The following STOML3 variants were observed in gnomAD, a reference collection of about 807,000 sequenced individuals.
The protein encoded by STOML3 is stomatin like 3.
A neutral mutation model predicts 29.5 loss-of-function variants in STOML3; 31 were observed. That is an observed-to-expected ratio of 1.05 (90% confidence interval 0.79 to 1.42). The LOEUF (loss-of-function observed/expected upper bound fraction) is 1.42. Ranked by LOEUF, STOML3 falls within the 40% of genes most tolerant of loss-of-function variation. The probability of loss-of-function intolerance (pLI) is 0.00; values close to 1 mark genes in which losing one functional copy is unlikely to be tolerated. For synonymous variants in STOML3, 122 were observed against 139.8 expected, an observed-to-expected ratio of 0.87 and a Z score of 0.90; for missense variants, 380 against 363.0, an observed-to-expected ratio of 1.05 and a Z score of -0.38.
intron 1 of STOML3, among the ~76,000 whole-genome samples, chr13:38,988,236 T>A (rs189097061): frequency 5.5e-5 from 5 of 90,190 alleles, no homozygotes; most frequent in African/African-American, 1.1e-4. Flanking sequence ...ATCATATATT[T>A]TATATATAAT....
At chr13:38,979,549 G>C (rs1881203517) in intron 1 of STOML3, among the ~76,000 whole-genome samples, 1 of 152,066 alleles carries the variant, frequency 6.6e-6, no homozygotes, top group African/African-American at 2.4e-5. Flanking sequence ...GCATTACACT[G>C]TACCCACCTT....
chr13:38,974,924 T>G (rs1279533477), intron 3 of STOML3, among the ~76,000 whole-genome samples: 1 of 152,212 alleles, frequency 6.6e-6, no homozygotes, highest in Admixed American at 6.5e-5. Context: ...AATCCTGGGC[T>G]GTTATACCTC....
chr13:38,971,720 C>T (rs900549908), intron 4 of STOML3, among the ~76,000 whole-genome samples: 10 of 151,986 alleles, frequency 6.6e-5, no homozygotes, highest in African/African-American at 2.2e-4. Context: ...GTCAGGAGTT[C>T]GAGAGACCAG....
chr13:38,972,494 A>C lies in STOML3; in HGVS notation c.312+18T>G, dbSNP rs747718647. 2.2e-5 allele frequency: 35 copies of C among 1,607,380 alleles called. No homozygotes were observed. The highest frequency in any genetic ancestry group is 3.0e-5 in the Non-Finnish European group (35 of 1,175,800). ...ATACAAGTTTAATTTCGAGTGACAT[A>C]TCCTTAATCAGTACTACCTCTTGTG... On this transcript the variant is annotated intron_variant, in intron 4 of 6. Transcript: ENST00000379631.
chr13:38,976,190 G>A (rs1442241997), intron 3 of STOML3, among the ~76,000 whole-genome samples: 1 of 152,146 alleles, frequency 6.6e-6, no homozygotes, highest in African/African-American at 2.4e-5. Context: ...TTAATAGTGT[G>A]CGTTGGCCAT....
At chr13:38,974,015 G>A (rs888709493) in intron 3 of STOML3, among the ~76,000 whole-genome samples, 1 of 152,102 alleles carries the variant, frequency 6.6e-6, no homozygotes, top group African/African-American at 2.4e-5. Flanking sequence ...TCTAATTCAT[G>A]TACAATAGCA....
At chr13:38,986,715 G>C (rs578104632) in intron 1 of STOML3, among the ~76,000 whole-genome samples, 1 of 152,206 alleles carries the variant, frequency 6.6e-6, no homozygotes, top group African/African-American at 2.4e-5. Context: ...CACACAGCTT[G>C]CATTAAGGAA....
chr13:38,969,904 A>G (rs1880797755), intron 5 of STOML3, among the ~76,000 whole-genome samples: 1 of 152,210 alleles, frequency 6.6e-6, no homozygotes, highest in Non-Finnish European at 1.5e-5. Flanking sequence ...AAAAGACTAT[A>G]CTTGTAAGAC....
rs1469383572 is a variant in STOML3 at position 38,966,626 on chromosome 13, A to G, written c.*199T>C. 2.3e-6 allele frequency: 1 copy of G among 427,348 alleles called. No individual in the cohort carries two copies. Among genetic ancestry groups the G allele is most frequent in the Admixed American group, 3.9e-5 (1 of 25,410 alleles). 26.5% of individuals were successfully genotyped at this position (427,348 alleles called of 1,614,324 possible). On this transcript the variant is annotated 3_prime_UTR_variant, in exon 7 of 7. Transcript: ENST00000379631. The stretch of plus-strand genomic sequence containing the variant: ...CAAAGTTGATTATGGTCCTAAAAAT[A>G]AAAGTAATATACAGGTCTCATTTTT...
intron 1 of STOML3, among the ~76,000 whole-genome samples, chr13:38,980,933 G>A (rs1386917010): frequency 6.6e-6 from 1 of 152,172 alleles, no homozygotes; most frequent in African/African-American, 2.4e-5. Context: ...GTCTGCAGCT[G>A]GTGAAATATG....
rs1310864505 is a variant in STOML3 at position 38,990,702 on chromosome 13, G to T, written c.20C>A (p.Ser7Ter). MDSRVS[S>*]PEKQDKENFV... ...ATTCTCTTTATCTTGCTTCTCAGGT[G>T]AAGACACCCTAGAATCCATCTCATT... The change falls in exon 1 of 7, where the codon TCA becomes TAA. Residue 7 changes from serine (S) to a stop codon, truncating the protein, a stop_gained. Transcript: ENST00000379631. LOFTEE classifies it high-confidence loss of function. 6.2e-7 allele frequency: 1 copy of T among 1,613,958 alleles called. No homozygotes were observed. Among genetic ancestry groups the T allele is most frequent in the Non-Finnish European group, 8.5e-7 (1 of 1,179,924 alleles).
chr13:38,970,250 C>T lies in STOML3; in HGVS notation c.451G>A (p.Val151Ile). The T allele has an allele frequency of 6.2e-7, 1 of 1,614,182 alleles. No homozygotes were observed. ...TGGGACAAGGTCTGTGTCCCTAAGACATTTCTCAGAGTGGTTTGAGCCAGC... is the reference window on the plus strand; with the variant it reads ...TGGGACAAGGTCTGTGTCCCTAAGATATTTCTCAGAGTGGTTTGAGCCAGC... ...FLLAQTTLRN[V>I]LGTQTLSQIL... The change falls in exon 5 of 7, where the codon GTC becomes ATC. Residue 151 changes from valine to isoleucine, a missense_variant. Physicochemically the swap from Val to Ile is conservative, Grantham distance 29 (BLOSUM62 3). Transcript: ENST00000379631.
rs556091366 is a variant in STOML3, at chr13:38,972,490, A to G, written c.312+22T>C. 8.1e-6 allele frequency: 13 copies of G among 1,604,134 alleles called. No individual in the cohort carries two copies. The South Asian group carries it at 1.3e-4, about 16-fold the overall frequency. ...GAAAATACAAGTTTAATTTCGAGTG[A>G]CATATCCTTAATCAGTACTACCTCT... On this transcript the variant is annotated intron_variant, in intron 4 of 6. Transcript: ENST00000379631.
intron 1 of STOML3, among the ~76,000 whole-genome samples, chr13:38,978,617 C>T (rs965347240): frequency 6.6e-6 from 1 of 152,192 alleles, no homozygotes; most frequent in African/African-American, 2.4e-5. Flanking sequence ...CATATACTGT[C>T]TATCTCAGTT....
chr13:38,987,786 T>TA (rs1868649244), intron 1 of STOML3, among the ~76,000 whole-genome samples: 2 of 113,164 alleles, frequency 1.8e-5, no homozygotes, highest in Non-Finnish European at 3.3e-5. Context: ...ATTGTGTATA[T>TA]ATTATATATT....
intron 1 of STOML3, among the ~76,000 whole-genome samples, chr13:38,987,220 T>C (rs539926913): frequency 3.9e-5 from 6 of 152,160 alleles, no homozygotes; most frequent in Middle Eastern, 3.4e-3. Flanking sequence ...TGCACACAAG[T>C]GGCTTTCAAA....
chr13:38,988,601 A>T lies in STOML3; in HGVS notation c.52+2069T>A, dbSNP rs571940944. Among the ~76,000 whole-genome samples the T allele has an allele frequency of 7.2e-3, 168 of 23,390 alleles. 6 individuals carry two copies. Among genetic ancestry groups the T allele is most frequent in the African/African-American group, 0.015 (95 of 6,188 alleles). The allele number at this position is 23,390 out of a possible 152,430, so 15.3% of individuals were successfully genotyped here. A position where few individuals can be genotyped will look rare whatever the true frequency, so the allele number is the denominator to read the frequency against. Reference sequence around the variant, plus strand: ...TCATATATTTTATATATAATATATTATATATCATATATTTTATATATAATA... The same window carrying T: ...TCATATATTTTATATATAATATATTTTATATCATATATTTTATATATAATA... On this transcript the variant is annotated intron_variant, in intron 1 of 6. Coordinates refer to ENST00000379631, the MANE Select transcript of STOML3 (RefSeq NM_145286.3).
intron 1 of STOML3, among the ~76,000 whole-genome samples, chr13:38,985,891 TTTTTTTTTTTCTTTTCTTTC>T (rs1739863539): frequency 7.2e-6 from 1 of 138,220 alleles, no homozygotes; most frequent in African/African-American, 2.7e-5. Context: ...GGCTATTTCT[TTTTTTTTTTTCTTTTCTTTC>T]TTTTTTTTTT....
Position 38,966,676 on chromosome 13 carries a change from C to T in STOML3, c.*149G>A. ...TGCTCTTTTTTTCTTCTCTGTATAG[C>T]CTCTAGAGCTTTTTCCTGCCAATGC... is the stretch of plus-strand genomic sequence containing the variant. On this transcript the variant is annotated 3_prime_UTR_variant, in exon 7 of 7. Coordinates refer to ENST00000379631, the MANE Select transcript of STOML3 (RefSeq NM_145286.3). 1.5e-6 allele frequency: 1 copy of T among 669,354 alleles called. No individual in the cohort carries two copies. The highest frequency in any genetic ancestry group is 2.6e-6 in the Non-Finnish European group (1 of 390,404). The allele number at this position is 669,354 out of a possible 1,614,324, so 41.5% of individuals were successfully genotyped here. A position where few individuals can be genotyped will look rare whatever the true frequency, so the allele number is the denominator to read the frequency against.
Sources: gnomAD v4.1 joint callset for allele counts (sites outside exome capture counted in the v4.1 genomes callset) on GRCh38, gnomAD v4.1.1 for gene constraint, MANE v1.5 for transcripts, NCBI Gene and HGNC (gene_info 2026-07-23, HGNC 2026-07-21) for gene names.